The following FAM135A variants were observed in gnomAD, a reference collection of about 807,000 sequenced individuals.
FAM135A encodes the protein family with sequence similarity 135 member A, also known as protein FAM135A.
FAM135A carries 79 observed loss-of-function variants against 146.8 expected under a neutral mutation model. The observed-to-expected ratio is 0.54, with a 90% confidence interval of 0.45 to 0.65. FAM135A has a LOEUF of 0.65. FAM135A is among the 30% of genes least tolerant of loss of function. The pLI, the probability that FAM135A is intolerant of heterozygous loss-of-function variation, is 0.00. For synonymous variants in FAM135A, 562 were observed against 603.6 expected (o/e 0.93, Z 1.01); for missense variants, 1,623 against 1,758.2 (o/e 0.92, Z 1.38).
rs773317281 is a variant in FAM135A, at chr6:70,526,746, TATATACACACACACACAC to T, written c.3614+52_3614+69del. 1,375 of 1,100,910 alleles carry T rather than the reference TATATACACACACACACAC, an allele frequency of 1.2e-3. 27 individuals are homozygous for T. The highest frequency in any genetic ancestry group is 1.8e-3 in the Middle Eastern group (8 of 4,464). 68.2% of individuals were successfully genotyped at this position (1,100,910 alleles called of 1,614,324 possible). On this transcript the variant is annotated intron_variant, in intron 15 of 21. Transcript: ENST00000418814. ...ACCTGCTGCTAAATATATACATATA[TATATACACACACACACAC>T]ATACACACACACACACACACACACA...
chr6:70,533,079 A>C (rs1410926203), intron 16 of FAM135A, 81 bp from the exon 17 acceptor site: 46 of 1,147,072 alleles, frequency 4.0e-5, no homozygotes, highest in Non-Finnish European at 5.8e-5. Flanking sequence ...GCTTGTCTCT[A>C]AAAACTGTAA....
chr6:70,454,461 T>A (rs58637377), intron 5 of FAM135A, among the ~76,000 whole-genome samples: 19,814 of 152,200 alleles, frequency 0.13, 1,536 homozygotes, highest in Middle Eastern at 0.19. Flanking sequence ...CTTTTGGTGT[T>A]TTAGTCATGA....
At chr6:70,451,212 G>C (rs902068288) in intron 4 of FAM135A, among the ~76,000 whole-genome samples, 1 of 152,172 alleles carries the variant, frequency 6.6e-6, no homozygotes, top group African/African-American at 2.4e-5. Context: ...ACTTAACTGT[G>C]TGTAAACCAA....
At chr6:70,521,889 G>T (rs1793663898) in intron 12 of FAM135A, among the ~76,000 whole-genome samples, 1 of 152,128 alleles carries the variant, frequency 6.6e-6, no homozygotes, top group Non-Finnish European at 1.5e-5. Flanking sequence ...GGGATGCAAA[G>T]GTCATCAAAA....
chr6:70,543,034 C>T (rs908834455), intron 20 of FAM135A, among the ~76,000 whole-genome samples: 2 of 152,160 alleles, frequency 1.3e-5, no homozygotes, highest in Non-Finnish European at 2.9e-5. Flanking sequence ...GTCATGACTA[C>T]TCATTCCCAT....
intron 2 of FAM135A, among the ~76,000 whole-genome samples, chr6:70,416,857 A>G (rs1452679125): frequency 6.6e-6 from 1 of 152,206 alleles, no homozygotes; most frequent in Non-Finnish European, 1.5e-5. Context: ...TACAAAGCAT[A>G]AGTGATTAGG....
intron 2 of FAM135A, among the ~76,000 whole-genome samples, chr6:70,419,187 G>A (rs180672598): frequency 2.8e-4 from 43 of 152,316 alleles, no homozygotes; most frequent in Non-Finnish European, 3.8e-4. Flanking sequence ...TTGGGAGGCC[G>A]AGGCAGGCAG....
intron 2 of FAM135A, chr6:70,417,513 G>T: frequency 1.4e-6 from 1 of 740,236 alleles, no homozygotes; most frequent in Non-Finnish European, 1.6e-6. Flanking sequence ...ATGCCTGGCT[G>T]TAGTCTGGGA....
chr6:70,497,846 C>G (rs1787652424), intron 11 of FAM135A, among the ~76,000 whole-genome samples: 3 of 152,160 alleles, frequency 2.0e-5, no homozygotes, highest in African/African-American at 7.2e-5. Flanking sequence ...GGTGGATAAT[C>G]TTTTTGATGT....
chr6:70,455,631 T>G (rs527672006), intron 5 of FAM135A, among the ~76,000 whole-genome samples: 1 of 152,320 alleles, frequency 6.6e-6, no homozygotes, highest in East Asian at 1.9e-4. Flanking sequence ...TTGAACATCC[T>G]TGAATCTAGT....
At chr6:70,446,183 C>T (rs570382523) in intron 4 of FAM135A, among the ~76,000 whole-genome samples, 1 of 152,232 alleles carries the variant, frequency 6.6e-6, no homozygotes, top group East Asian at 1.9e-4. Flanking sequence ...GTGGAGTGTC[C>T]TTCTAGATGC....
chr6:70,476,720 G>A (rs1782692069), intron 7 of FAM135A, among the ~76,000 whole-genome samples: 2 of 151,838 alleles, frequency 1.3e-5, no homozygotes, highest in Non-Finnish European at 2.9e-5. Flanking sequence ...AATAAGCAAT[G>A]GCCTGCTTAT....
Position 70,413,708 on chromosome 6 carries a change from C to T in FAM135A, c.-220+6C>T, listed in dbSNP as rs1581920005. 1 of 650,416 alleles carries T rather than the reference C, an allele frequency of 1.5e-6. No homozygotes were observed. Among genetic ancestry groups the T allele is most frequent in the Non-Finnish European group, 1.9e-6 (1 of 523,362 alleles). 40.3% of individuals were successfully genotyped at this position (650,416 alleles called of 1,614,324 possible). ...GAGGCCGAGCCGGGCGAGAGGTAACCCCCTTACTGTCCCCTCTGGCTCCCC... is the reference window on the plus strand; with the variant it reads ...GAGGCCGAGCCGGGCGAGAGGTAACTCCCTTACTGTCCCCTCTGGCTCCCC... On this transcript the variant is annotated splice_donor_region_variant and intron_variant, in intron 1 of 21. Transcript: ENST00000418814.
chr6:70,472,815 A>T (rs1781872660), intron 5 of FAM135A, among the ~76,000 whole-genome samples: 1 of 152,104 alleles, frequency 6.6e-6, no homozygotes, highest in Non-Finnish European at 1.5e-5. Flanking sequence ...TCATGATTAG[A>T]TTCATTTTAT....
intron 12 of FAM135A, among the ~76,000 whole-genome samples, chr6:70,521,461 C>A (rs1182868890): frequency 6.6e-6 from 1 of 152,112 alleles, no homozygotes; most frequent in Non-Finnish European, 1.5e-5. Flanking sequence ...AGAATGCATC[C>A]TTCTCATTGA....
chr6:70,428,180 T>G (rs1770648150), intron 3 of FAM135A, 124 bp from the exon 4 acceptor site: 2 of 505,154 alleles, frequency 4.0e-6, no homozygotes, highest in South Asian at 3.3e-5. Flanking sequence ...TTAAGTACAC[T>G]GAAATAATTT....
At chr6:70,531,120 G>A (rs1040833765) in intron 16 of FAM135A, among the ~76,000 whole-genome samples, 2 of 152,170 alleles carry the variant, frequency 1.3e-5, no homozygotes, top group Non-Finnish European at 2.9e-5. Flanking sequence ...GGACTCTCTG[G>A]TGAAGCTTTT....
At position 70,448,171 on chromosome 6, in the gene FAM135A, T is replaced by G. The variant is rs183657149; in HGVS notation, c.78-4321T>G. On this transcript the variant is annotated intron_variant, in intron 4 of 21. Coordinates refer to ENST00000418814, the MANE Select transcript of FAM135A (RefSeq NM_001162529.3). ...ACTGAGGCAACTACTTTTCGCCCAG[T>G]GTCCTCTGGAAAGGAAAGATCTGGA... 6.7e-4 allele frequency among the ~76,000 whole-genome samples: 102 copies of G among 152,266 alleles called. 1 individual carries two copies. The highest frequency in any genetic ancestry group is 3.4e-3 in the Middle Eastern group (1 of 294).
At chr6:70,464,048 A>T (rs1322649355) in intron 5 of FAM135A, among the ~76,000 whole-genome samples, 1 of 115,630 alleles carries the variant, frequency 8.6e-6, no homozygotes, top group African/African-American at 2.9e-5. Flanking sequence ...CAGAGTTCTT[A>T]CTTATGTTCA....
Sources: gnomAD v4.1 joint callset for allele counts (sites outside exome capture counted in the v4.1 genomes callset) on GRCh38, gnomAD v4.1.1 for gene constraint, MANE v1.5 for transcripts, NCBI Gene and HGNC (gene_info 2026-07-23, HGNC 2026-07-21) for gene names.